Variants in AOPEP observed in about 807,000 individuals in gnomAD.
The protein encoded by AOPEP is aminopeptidase O (putative).
Under a neutral mutation model 98.1 loss-of-function variants are expected in AOPEP, and 77 were observed. That is an observed-to-expected ratio of 0.78 (90% CI 0.65 to 0.95). The LOEUF (loss-of-function observed/expected upper bound fraction) is 0.95. Among genes scored for constraint, AOPEP ranks in the 40% least tolerant of loss-of-function variants. AOPEP has a pLI of 0.00. For synonymous variants in AOPEP, 346 were observed against 365.3 expected, an observed-to-expected ratio of 0.95 and a Z score of 0.60; for missense variants, 1,024 against 1,024.7, an observed-to-expected ratio of 1.00 and a Z score of 0.01.
intron 13 of AOPEP, among the ~76,000 whole-genome samples, chr9:95,044,986 G>C (rs1200832906): frequency 1.3e-5 from 2 of 152,208 alleles, no homozygotes; most frequent in African/African-American, 2.4e-5. Context: ...GGAACGTGGG[G>C]AAGAGGGTGG....
chr9:95,147,305 G>A, the AOPEP span, among the ~76,000 whole-genome samples: 3 of 152,120 alleles, frequency 2.0e-5, no homozygotes, highest in East Asian at 3.9e-4. Flanking sequence ...ATCACCTGAG[G>A]TCGGGATTTC....
At chr9:94,830,025 A>T (rs916221316) in intron 5 of AOPEP, among the ~76,000 whole-genome samples, 2 of 152,130 alleles carry the variant, frequency 1.3e-5, no homozygotes, top group African/African-American at 2.4e-5. Context: ...TTTATTATTT[A>T]TTTATTTATG....
chr9:94,765,574 C>A (rs568781765), intron 2 of AOPEP, among the ~76,000 whole-genome samples: 1 of 151,168 alleles, frequency 6.6e-6, no homozygotes, highest in African/African-American at 2.4e-5. Flanking sequence ...TGCACTCCAG[C>A]CTGGGCGACA....
the AOPEP span, chr9:95,123,423 T>C: frequency 4.4e-6 from 2 of 456,464 alleles, 1 homozygote; most frequent in Middle Eastern, 6.6e-4. Flanking sequence ...GAAGATTGCT[T>C]GAGCCTCAGA....
At chr9:94,801,469 T>G (rs1302213470) in intron 5 of AOPEP, among the ~76,000 whole-genome samples, 1 of 152,230 alleles carries the variant, frequency 6.6e-6, no homozygotes, top group Admixed American at 6.5e-5. Context: ...GGGCAATGAC[T>G]TGAGAGACCC....
At chr9:94,747,750 T>G (rs887559417) in intron 1 of AOPEP, among the ~76,000 whole-genome samples, 1 of 152,132 alleles carries the variant, frequency 6.6e-6, no homozygotes, top group African/African-American at 2.4e-5. Context: ...CGGGGAGATA[T>G]GAAAGTGAGC....
At chr9:95,020,613 TA>T (rs869184200) in intron 13 of AOPEP, among the ~76,000 whole-genome samples, 278 of 141,070 alleles carry the variant, frequency 2.0e-3, no homozygotes, top group Middle Eastern at 3.7e-3. Flanking sequence ...CAGTATTATT[TA>T]AAAAAAAAAA....
At chr9:94,919,817 A>G (rs1370834583) in intron 5 of AOPEP, among the ~76,000 whole-genome samples, 1 of 152,140 alleles carries the variant, frequency 6.6e-6, no homozygotes, top group East Asian at 1.9e-4. Context: ...AGAACTATCT[A>G]TCCTGCTGGA....
intron 13 of AOPEP, among the ~76,000 whole-genome samples, chr9:95,008,644 G>A (rs2062231630): frequency 6.6e-6 from 1 of 152,014 alleles, no homozygotes; most frequent in African/African-American, 2.4e-5. Flanking sequence ...AGTAAATTGG[G>A]GACTGAGATG....
At chr9:94,789,870 T>C (rs1845266228) in intron 3 of AOPEP, among the ~76,000 whole-genome samples, 1 of 131,732 alleles carries the variant, frequency 7.6e-6, no homozygotes, top group Non-Finnish European at 1.6e-5. Context: ...GAGTATGCCT[T>C]CAACTTGTTC....
At chr9:94,964,843 G>A (rs983967219) in intron 9 of AOPEP, among the ~76,000 whole-genome samples, 8 of 151,934 alleles carry the variant, frequency 5.3e-5, no homozygotes, top group Non-Finnish European at 1.2e-4. Flanking sequence ...GTTTCACTAT[G>A]TTGGCCAGGC....
intron 12 of AOPEP, 21 bp downstream of exon 12, chr9:95,005,241 C>T (rs1367018581): frequency 9.3e-7 from 1 of 1,079,676 alleles, no homozygotes; most frequent in Non-Finnish European, 1.1e-6. Context: ...GCGGCGCGGT[C>T]CCTGCGCCCC....
intron 5 of AOPEP, among the ~76,000 whole-genome samples, chr9:94,816,472 A>G (rs1189719118): frequency 6.6e-6 from 1 of 152,208 alleles, no homozygotes; most frequent in Non-Finnish European, 1.5e-5. Context: ...CAAACACTGA[A>G]AAAGGTACAT....
At chr9:95,016,281 C>A (rs1292387142) in intron 13 of AOPEP, among the ~76,000 whole-genome samples, 1 of 123,824 alleles carries the variant, frequency 8.1e-6, no homozygotes, top group Non-Finnish European at 1.6e-5. Flanking sequence ...TATTCTCTAT[C>A]GCCCAGGCTG....
chr9:94,926,444 A>G (rs1270284382), intron 6 of AOPEP, among the ~76,000 whole-genome samples: 1 of 152,186 alleles, frequency 6.6e-6, no homozygotes, highest in African/African-American at 2.4e-5. Context: ...TTGGAGGTAC[A>G]TGCAGTAACT....
At chr9:94,868,966 C>T (rs1271774342) in intron 5 of AOPEP, among the ~76,000 whole-genome samples, 1 of 152,180 alleles carries the variant, frequency 6.6e-6, no homozygotes. Context: ...TGGGGGCTCT[C>T]GCCTATAATC....
At chr9:94,876,471 T>C (rs1187237501) in intron 5 of AOPEP, among the ~76,000 whole-genome samples, 1 of 151,746 alleles carries the variant, frequency 6.6e-6, no homozygotes, top group East Asian at 1.9e-4. Context: ...GTTCACACCA[T>C]TCTTCTGCCT....
At chr9:94,951,039 C>A (rs142329810) in intron 7 of AOPEP, among the ~76,000 whole-genome samples, 2 of 152,142 alleles carry the variant, frequency 1.3e-5, no homozygotes, top group African/African-American at 4.8e-5. Context: ...AAAAGGAAGG[C>A]GTGGGGAAGG....
chr9:94,870,141 A>C (rs1436933118), intron 5 of AOPEP, among the ~76,000 whole-genome samples: 1 of 152,064 alleles, frequency 6.6e-6, no homozygotes. Flanking sequence ...GGCACACGCC[A>C]CCATGCCTGG....
Sources: allele counts gnomAD v4.1 joint callset (sites outside exome capture counted in the v4.1 genomes callset), GRCh38; gene constraint gnomAD v4.1.1; transcripts MANE v1.5; gene names NCBI Gene and HGNC (gene_info 2026-07-23, HGNC 2026-07-21).